Variants in PDE6D observed in about 807,000 individuals in gnomAD.
PDE6D encodes phosphodiesterase 6D.
In PDE6D, 10 loss-of-function variants were observed where a neutral mutation model predicts 21.9. The ratio of observed to expected loss-of-function variants is 0.46; its 90% CI spans 0.28 to 0.78. PDE6D has a LOEUF of 0.78. Among genes scored for constraint, PDE6D ranks in the 30% least tolerant of loss-of-function variants. PDE6D has a pLI of 0.12. For missense variants in PDE6D, 139 were observed against 184.8 expected, an observed-to-expected ratio of 0.75 and a Z score of 1.44; for synonymous variants, 59 against 63.5, an observed-to-expected ratio of 0.93 and a Z score of 0.34.
intron 1 of PDE6D, among the ~76,000 whole-genome samples, chr2:231,766,835 T>C (rs2048974593): frequency 6.6e-6 from 1 of 151,522 alleles, no homozygotes. Flanking sequence ...CTACTAAAAA[T>C]ACAAAAATCA....
intron 1 of PDE6D, among the ~76,000 whole-genome samples, chr2:231,766,627 A>T (rs2048972798): frequency 6.6e-6 from 1 of 152,172 alleles, no homozygotes; most frequent in Non-Finnish European, 1.5e-5. Context: ...AGATTCCTGA[A>T]TTTCACCCAG....
intron 1 of PDE6D, among the ~76,000 whole-genome samples, chr2:231,741,171 T>C (rs1010221130): frequency 3.4e-5 from 5 of 146,836 alleles, no homozygotes; most frequent in South Asian, 2.1e-4. Flanking sequence ...ACATCATTAG[T>C]GCATTTACAG....
At chr2:231,760,859 G>A (rs936763447) in intron 1 of PDE6D, among the ~76,000 whole-genome samples, 2 of 152,188 alleles carry the variant, frequency 1.3e-5, no homozygotes, top group Admixed American at 6.5e-5. Context: ...CACGCTGCAA[G>A]GCTAGTGACA....
intron 1 of PDE6D, among the ~76,000 whole-genome samples, chr2:231,752,193 A>G (rs1392842351): frequency 6.6e-6 from 1 of 152,206 alleles, no homozygotes; most frequent in Non-Finnish European, 1.5e-5. Context: ...GGGGTAAGAC[A>G]GAAACCACAG....
chr2:231,739,259 G>T lies in PDE6D; in HGVS notation c.51-71C>A. On this transcript the variant is annotated intron_variant, in intron 1 of 4. Coordinates refer to ENST00000287600, the MANE Select transcript of PDE6D (RefSeq NM_002601.4). The surrounding 1 kb of genome is among the most constrained non-coding windows in gnomAD (Gnocchi z 4.2). ...CCACTTTGTATTCTAGGTGTCTCAT[G>T]TTTACTCCCACCAACTCTTGTTTAC... 2 of 915,808 alleles carry T rather than the reference G, an allele frequency of 2.2e-6. No homozygotes were observed. Among genetic ancestry groups the T allele is most frequent in the Non-Finnish European group, 1.8e-6 (1 of 544,328 alleles). The allele number at this position is 915,808 out of a possible 1,614,324, so 56.7% of individuals were successfully genotyped here.
intron 1 of PDE6D, among the ~76,000 whole-genome samples, chr2:231,777,354 A>G (rs999735309): frequency 3.2e-4 from 48 of 151,432 alleles, no homozygotes; most frequent in Admixed American, 2.4e-3. Flanking sequence ...TTTTTTTTAG[A>G]GTTGGGGGTC....
At chr2:231,761,518 G>T (rs896968916) in intron 1 of PDE6D, among the ~76,000 whole-genome samples, 1 of 152,176 alleles carries the variant, frequency 6.6e-6, no homozygotes, top group Admixed American at 6.5e-5. Context: ...TATCAATGCA[G>T]ACAGATAAAG....
intron 4 of PDE6D, 84 bp from the exon 5 acceptor site, chr2:231,733,117 T>A: frequency 1.1e-6 from 1 of 951,894 alleles, no homozygotes; most frequent in Non-Finnish European, 1.7e-6. Context: ...GGTTTCCATC[T>A]GGATTCCTGG....
intron 1 of PDE6D, among the ~76,000 whole-genome samples, chr2:231,769,412 T>C (rs900014683): frequency 6.6e-6 from 1 of 152,190 alleles, no homozygotes; most frequent in Non-Finnish European, 1.5e-5. Flanking sequence ...TTTTTCTTAA[T>C]CTTTAGCAGT....
At chr2:231,776,235 C>T (rs539786103) in intron 1 of PDE6D, among the ~76,000 whole-genome samples, 9 of 149,648 alleles carry the variant, frequency 6.0e-5, no homozygotes, top group African/African-American at 1.5e-4. Context: ...GCAGGAGAAT[C>T]GCTTGAACTC....
rs779053492 is a variant in PDE6D at position 231,739,082 on chromosome 2, T to TA, written c.139+17dup. The TA allele has an allele frequency of 1.9e-6, 3 of 1,549,898 alleles. No homozygotes were observed. In the East Asian group the frequency reaches 6.7e-5, roughly 35 times the overall value. On this transcript the variant is annotated intron_variant, in intron 2 of 4. Coordinates refer to ENST00000287600, the MANE Select transcript of PDE6D (RefSeq NM_002601.4). The surrounding 1 kb of genome is among the most constrained non-coding windows in gnomAD (Gnocchi z 4.2). ...GGCATTGGTCACAGCCCTGTGTAGA[T>TA]AAAGGGTTGGAAAGTACCTTCATGC...
intron 1 of PDE6D, among the ~76,000 whole-genome samples, chr2:231,752,998 A>AT (rs1468756835): frequency 6.7e-6 from 1 of 149,690 alleles, no homozygotes; most frequent in Non-Finnish European, 1.5e-5. Context: ...CGCCCGGCTA[A>AT]TTTTTTGTAT....
rs8165 is a variant in PDE6D at position 231,732,765 on chromosome 2, T to C, written c.*187A>G. 0.28 allele frequency: 154,399 copies of C among 547,032 alleles called. 23,149 individuals are homozygous for C. The highest frequency in any genetic ancestry group is 0.32 in the Non-Finnish European group (96,409 of 304,718). 33.9% of individuals were successfully genotyped at this position (547,032 alleles called of 1,614,324 possible). A position where few individuals can be genotyped will look rare whatever the true frequency, so the allele number is the denominator to read the frequency against. On this transcript the variant is annotated 3_prime_UTR_variant, in exon 5 of 5. Coordinates refer to ENST00000287600, the MANE Select transcript of PDE6D (RefSeq NM_002601.4). Reference sequence around the variant, plus strand: ...TTTAGTCTGGTCAGCTGGAAGATGGTGGCTTGGGAAAAAGAGCCATCTGGT... The same window carrying C: ...TTTAGTCTGGTCAGCTGGAAGATGGCGGCTTGGGAAAAAGAGCCATCTGGT...
At chr2:231,753,128 G>A (rs1352196375) in intron 1 of PDE6D, among the ~76,000 whole-genome samples, 6 of 150,644 alleles carry the variant, frequency 4.0e-5, no homozygotes, top group Non-Finnish European at 8.9e-5. Flanking sequence ...ACCGCACCCG[G>A]CCTTCTCTTT....
intron 1 of PDE6D, among the ~76,000 whole-genome samples, chr2:231,775,415 T>C (rs1234292267): frequency 1.3e-5 from 2 of 151,076 alleles, no homozygotes; most frequent in Admixed American, 1.3e-4. Context: ...GCTCAGGTGA[T>C]CCCCTCACCT....
chr2:231,739,399 T>C lies in PDE6D; in HGVS notation c.51-211A>G. ...AACCTAGAGAAGTTACTTTTATCTA[T>C]GAGAATCCTAAGACTGCACACACCT... On this transcript the variant is annotated intron_variant, in intron 1 of 4. Transcript: ENST00000287600. This position sits in a 1 kb window ranked among gnomAD's most constrained non-coding sequence, Gnocchi z 4.2. 2 of 667,416 alleles carry C rather than the reference T, an allele frequency of 3.0e-6. No homozygotes were observed. Among genetic ancestry groups the C allele is most frequent in the South Asian group, 1.4e-5 (1 of 70,284 alleles). The allele number at this position is 667,416 out of a possible 1,614,324, so 41.3% of individuals were successfully genotyped here.
chr2:231,749,814 G>A (rs895875304), intron 1 of PDE6D, among the ~76,000 whole-genome samples: 16 of 152,064 alleles, frequency 1.1e-4, no homozygotes, highest in African/African-American at 3.1e-4. Flanking sequence ...GATTACAGGC[G>A]TGAGCTACCG....
At position 231,769,978 on chromosome 2, in the gene PDE6D, A is replaced by C. The variant is rs550534194; in HGVS notation, c.50+11087T>G. On this transcript the variant is annotated intron_variant, in intron 1 of 4. Coordinates refer to ENST00000287600, the MANE Select transcript of PDE6D (RefSeq NM_002601.4). Reference sequence around the variant, plus strand: ...GGAAAAGGTTTCAAAATGAAACTGAAATAAGCTGGTCACAAGGTAGCCTTG... The same window carrying C: ...GGAAAAGGTTTCAAAATGAAACTGACATAAGCTGGTCACAAGGTAGCCTTG... Among the ~76,000 whole-genome samples the C allele has an allele frequency of 3.0e-4, 46 of 152,372 alleles. 2 individuals are homozygous for C. The highest frequency in any genetic ancestry group is 1.0e-3 in the South Asian group (5 of 4,832).
intron 1 of PDE6D, among the ~76,000 whole-genome samples, chr2:231,770,439 A>AG (rs146913564): frequency 0.1 from 15,801 of 152,180 alleles, 1,022 homozygotes; most frequent in African/African-American, 0.18. Flanking sequence ...TGGTGAATTG[A>AG]GGGAAAAAAA....
Sources: allele counts gnomAD v4.1 joint callset (sites outside exome capture counted in the v4.1 genomes callset), GRCh38; gene constraint gnomAD v4.1.1; non-coding constraint Gnocchi (gnomAD v3.1); transcripts MANE v1.5; gene names NCBI Gene and HGNC (gene_info 2026-07-23, HGNC 2026-07-21).